The following DCC variants were observed in gnomAD, a reference collection of about 807,000 sequenced individuals.
The protein encoded by DCC is netrin receptor DCC.
A neutral mutation model predicts 172.5 loss-of-function variants in DCC; 58 were observed. That is an observed-to-expected ratio of 0.34 (90% CI 0.27 to 0.42). DCC has a LOEUF of 0.42. Among genes scored for constraint, DCC ranks in the 10% least tolerant of loss-of-function variants. The pLI, the probability that DCC is intolerant of heterozygous loss-of-function variation, is 1.00. For missense variants in DCC, 1,740 were observed against 1,791.0 expected, an observed-to-expected ratio of 0.97 and a Z score of 0.51; for synonymous variants, 709 against 644.5, an observed-to-expected ratio of 1.10 and a Z score of -1.52.
chr18:52,929,777 T>C (rs2040275327), intron 5 of DCC, among the ~76,000 whole-genome samples: 1 of 150,844 alleles, frequency 6.6e-6, no homozygotes, highest in African/African-American at 2.4e-5. Context: ...ATATTGAGAT[T>C]ATGCTAACAT....
chr18:52,905,667 AG>A (rs1210025160), intron 2 of DCC, among the ~76,000 whole-genome samples: 11 of 152,342 alleles, frequency 7.2e-5, no homozygotes, highest in African/African-American at 2.6e-4. Context: ...AGGATTCGGA[AG>A]AACAAGTTGC....
chr18:53,450,375 C>A, intron 22 of DCC, 125 bp from the exon 23 acceptor site: 1 of 974,598 alleles, frequency 1.0e-6, no homozygotes, highest in South Asian at 1.3e-5. Flanking sequence ...CCCTCGAACT[C>A]CCATCACTAC....
chr18:53,483,726 A>G (rs972976572), intron 25 of DCC, among the ~76,000 whole-genome samples: 6 of 151,792 alleles, frequency 4.0e-5, no homozygotes, highest in African/African-American at 1.4e-4. Context: ...TCCAGTGACT[A>G]TGAGTCTTTG....
At chr18:52,937,661 AT>A (rs908290734) in intron 5 of DCC, among the ~76,000 whole-genome samples, 107 of 151,992 alleles carry the variant, frequency 7.0e-4, no homozygotes, top group African/African-American at 2.4e-3. Flanking sequence ...TTTAAAAAAA[AT>A]TTTTTTGTAG....
At chr18:53,447,175 T>G (rs919141585) in intron 22 of DCC, among the ~76,000 whole-genome samples, 1 of 152,204 alleles carries the variant, frequency 6.6e-6, no homozygotes, top group African/African-American at 2.4e-5. Context: ...CATTCAGTAT[T>G]CACTAATTAG....
chr18:53,139,428 T>G (rs1221659235), intron 7 of DCC, among the ~76,000 whole-genome samples: 1 of 152,180 alleles, frequency 6.6e-6, no homozygotes, highest in Non-Finnish European at 1.5e-5. Context: ...GTGTCCAATG[T>G]CATGCACTGG....
chr18:52,865,408 T>TCGC (rs1486049640), intron 2 of DCC, among the ~76,000 whole-genome samples: 8 of 152,148 alleles, frequency 5.3e-5, no homozygotes, highest in Admixed American at 6.5e-5. Flanking sequence ...CCTTGAGGAA[T>TCGC]CGCCACACTG....
At chr18:53,144,807 A>G (rs762572442) in intron 7 of DCC, among the ~76,000 whole-genome samples, 1 of 152,134 alleles carries the variant, frequency 6.6e-6, no homozygotes, top group Non-Finnish European at 1.5e-5. Context: ...CTTTATGGGC[A>G]TTATCCACTG....
In DCC at chr18:53,072,317, G is replaced by A. The variant is rs77643800; in HGVS notation, c.1261+6151G>A. 2.7e-3 allele frequency among the ~76,000 whole-genome samples: 405 copies of A among 152,300 alleles called. 1 individual carries two copies. Among genetic ancestry groups the A allele is most frequent in the Non-Finnish European group, 3.7e-3 (253 of 68,024 alleles). On this transcript the variant is annotated intron_variant, in intron 7 of 28. Transcript: ENST00000442544. Reference sequence around the variant, plus strand: ...AGGCAGTAATTAAATTAAGGACCCTGTTTGGTAGCTGAGTGGAGAAGTTAG... The same window carrying A: ...AGGCAGTAATTAAATTAAGGACCCTATTTGGTAGCTGAGTGGAGAAGTTAG...
chr18:52,540,041 A>G (rs1286726317), intron 1 of DCC, among the ~76,000 whole-genome samples: 1 of 152,158 alleles, frequency 6.6e-6, no homozygotes, highest in Non-Finnish European at 1.5e-5. Flanking sequence ...CATTATCTTG[A>G]TACAGTAGAA....
In DCC at chr18:53,086,243, T is replaced by A. The variant is rs2042892557; in HGVS notation, c.1261+20077T>A. ...TCTTCTTCTTCCGTTCTTCTTCTTCTTCTTCCTTTCTTCTTCTTCTTCTTC... is the reference window on the plus strand; with the variant it reads ...TCTTCTTCTTCCGTTCTTCTTCTTCATCTTCCTTTCTTCTTCTTCTTCTTC... On this transcript the variant is annotated intron_variant, in intron 7 of 28. Transcript: ENST00000442544. Among the ~76,000 whole-genome samples the A allele has an allele frequency of 3.6e-5, 2 of 55,244 alleles. 1 individual carries two copies. Among genetic ancestry groups the A allele is most frequent in the Admixed American group, 2.6e-4 (2 of 7,650 alleles). The allele number at this position is 55,244 out of a possible 152,430, so 36.2% of individuals were successfully genotyped here. A position where few individuals can be genotyped will look rare whatever the true frequency, so the allele number is the denominator to read the frequency against.
chr18:53,021,603 C>T (rs568053093), intron 5 of DCC, among the ~76,000 whole-genome samples: 2 of 152,072 alleles, frequency 1.3e-5, no homozygotes, highest in African/African-American at 2.4e-5. Context: ...GAAGAATTCT[C>T]ATGAAGAAAA....
chr18:53,300,902 AC>A (rs961840176), intron 12 of DCC, among the ~76,000 whole-genome samples: 1 of 139,160 alleles, frequency 7.2e-6, no homozygotes. Flanking sequence ...CTGCTCCATG[AC>A]TGAAGCAGGG....
At chr18:52,458,374 G>T (rs376029797) in intron 1 of DCC, among the ~76,000 whole-genome samples, 64 of 152,202 alleles carry the variant, frequency 4.2e-4, no homozygotes, top group African/African-American at 1.5e-3. Flanking sequence ...CCCCCTGACT[G>T]CGTGTCTTAG....
At chr18:53,023,613 G>T (rs1415318430) in intron 5 of DCC, among the ~76,000 whole-genome samples, 1 of 151,892 alleles carries the variant, frequency 6.6e-6, no homozygotes. Context: ...GGACCCTGTC[G>T]CCAGGCAAAA....
chr18:53,453,826 T>C (rs1308418001), intron 23 of DCC, among the ~76,000 whole-genome samples: 1 of 152,168 alleles, frequency 6.6e-6, no homozygotes, highest in Non-Finnish European at 1.5e-5. Context: ...TCTTTAGCTT[T>C]TTTTGTTGGT....
At chr18:52,487,359 A>G (rs990225949) in intron 1 of DCC, among the ~76,000 whole-genome samples, 2 of 152,164 alleles carry the variant, frequency 1.3e-5, no homozygotes, top group Non-Finnish European at 2.9e-5. Context: ...TCTTTGTTCT[A>G]TCATTGAGAT....
At chr18:52,787,511 AT>A (rs1179667633) in intron 2 of DCC, among the ~76,000 whole-genome samples, 1 of 152,146 alleles carries the variant, frequency 6.6e-6, no homozygotes, top group Non-Finnish European at 1.5e-5. Flanking sequence ...AGACATTAGA[AT>A]TTTAGAAATC....
At chr18:53,086,473 C>CCTTTCTTCTTCTT in intron 7 of DCC, among the ~76,000 whole-genome samples, 1 of 36,574 alleles carries the variant, frequency 2.7e-5, no homozygotes, top group East Asian at 4.6e-4. Context: ...TCTTCTTCTT[C>CCTTTCTTCTTCTT]CTTTCTTCTT....
Sources: allele counts gnomAD v4.1 joint callset (sites outside exome capture counted in the v4.1 genomes callset), GRCh38; gene constraint gnomAD v4.1.1; transcripts MANE v1.5; gene names NCBI Gene and HGNC (gene_info 2026-07-23, HGNC 2026-07-21).